The following GRM1 variants were observed in gnomAD, a reference collection of about 807,000 sequenced individuals.
The protein encoded by GRM1 is metabotropic glutamate receptor 1.
In GRM1, 33 loss-of-function variants were observed where a neutral mutation model predicts 90.9. The observed-to-expected ratio is 0.36, with a 90% CI of 0.28 to 0.49. GRM1 has a LOEUF of 0.49. GRM1 is among the 20% of genes least tolerant of loss of function. The probability of loss-of-function intolerance (pLI) is 0.99; values close to 1 mark genes in which losing one functional copy is unlikely to be tolerated. For missense variants in GRM1, 1,190 were observed against 1,534.3 expected, an observed-to-expected ratio of 0.78 and a Z score of 3.75; for synonymous variants, 700 against 613.2, an observed-to-expected ratio of 1.14 and a Z score of -2.09.
Position 146,214,713 on chromosome 6 carries a change from A to G in GRM1, c.950+55116A>G, listed in dbSNP as rs550508908. The stretch of plus-strand genomic sequence containing the variant: ...AATGCTACAAGAGAATATAGGAATA[A>G]ATACTTCTTTTGGATATATATAGAG... On this transcript the variant is annotated intron_variant, in intron 2 of 7. Transcript: ENST00000282753. Among the ~76,000 whole-genome samples the G allele has an allele frequency of 3.3e-5, 5 of 152,294 alleles. No individual in the cohort carries two copies. The South Asian group carries it at 1.0e-3, about 32-fold the overall frequency.
intron 2 of GRM1, among the ~76,000 whole-genome samples, chr6:146,209,415 C>A (rs1779605151): frequency 6.6e-6 from 1 of 152,064 alleles, no homozygotes; most frequent in African/African-American, 2.4e-5. Flanking sequence ...CCAACTTTTT[C>A]CATTCTGACT....
At chr6:146,375,735 C>T (rs180746379) in intron 5 of GRM1, among the ~76,000 whole-genome samples, 4 of 151,954 alleles carry the variant, frequency 2.6e-5, no homozygotes, top group Non-Finnish European at 5.9e-5. Context: ...TCCATTAGCA[C>T]GGATTATCTT....
chr6:146,067,386 T>C (rs1442372353), intron 1 of GRM1, among the ~76,000 whole-genome samples: 1 of 152,212 alleles, frequency 6.6e-6, no homozygotes, highest in East Asian at 1.9e-4. Context: ...ACCACTATTA[T>C]TGTAAAGTCT....
chr6:146,419,336 T>C (rs1356668039), intron 7 of GRM1, among the ~76,000 whole-genome samples: 1 of 152,110 alleles, frequency 6.6e-6, no homozygotes, highest in Non-Finnish European at 1.5e-5. Flanking sequence ...GAAGAATAAT[T>C]GGAAAAACAA....
intron 2 of GRM1, among the ~76,000 whole-genome samples, chr6:146,225,116 G>A (rs1780194800): frequency 6.6e-6 from 1 of 152,084 alleles, no homozygotes; most frequent in Admixed American, 6.6e-5. Flanking sequence ...AAATTTCTCA[G>A]CCTTGTTTTT....
rs60227373 is a variant in GRM1, at chr6:146,383,422, G to T, written c.1603-3468G>T. The stretch of plus-strand genomic sequence containing the variant: ...ACAATAATTCATGATGGCTCTTACT[G>T]TACTGCTTATCCCAATTAAAATAAG... On this transcript the variant is annotated intron_variant, in intron 5 of 7. Coordinates refer to ENST00000282753, the MANE Select transcript of GRM1 (RefSeq NM_001278064.2). Among the ~76,000 whole-genome samples, 1,475 of 152,166 alleles carry T rather than the reference G, an allele frequency of 9.7e-3. 21 individuals carry two copies. Among genetic ancestry groups the T allele is most frequent in the African/African-American group, 0.034 (1,404 of 41,530 alleles).
chr6:146,403,730 G>A (rs191586329), intron 7 of GRM1, among the ~76,000 whole-genome samples: 1 of 152,190 alleles, frequency 6.6e-6, no homozygotes, highest in African/African-American at 2.4e-5. Flanking sequence ...TGAGTTTACA[G>A]ATATCATGGC....
chr6:146,096,697 G>C (rs1035599089), intron 1 of GRM1, among the ~76,000 whole-genome samples: 16 of 152,150 alleles, frequency 1.1e-4, no homozygotes. Context: ...AGTGATATTA[G>C]ATGGGTGCTA....
chr6:146,224,357 T>C (rs1167008762), intron 2 of GRM1, among the ~76,000 whole-genome samples: 1 of 152,148 alleles, frequency 6.6e-6, no homozygotes, highest in East Asian at 1.9e-4. Flanking sequence ...ACTATTTTAA[T>C]GATGGTTATA....
chr6:146,384,153 A>G (rs1776415038), intron 5 of GRM1, among the ~76,000 whole-genome samples: 1 of 152,158 alleles, frequency 6.6e-6, no homozygotes, highest in Non-Finnish European at 1.5e-5. Context: ...TTTGTAGTGC[A>G]AAGTATGGAA....
intron 5 of GRM1, among the ~76,000 whole-genome samples, chr6:146,373,359 T>A (rs1352397043): frequency 2.0e-5 from 3 of 151,958 alleles, no homozygotes; most frequent in Non-Finnish European, 4.4e-5. Flanking sequence ...TGGCAGAAGG[T>A]GAAGTGGAAG....
At chr6:146,284,389 G>A (rs567994535) in intron 2 of GRM1, among the ~76,000 whole-genome samples, 53 of 152,300 alleles carry the variant, frequency 3.5e-4, no homozygotes, top group African/African-American at 1.2e-3. Context: ...GAGCAGCTGT[G>A]CATAATTGAA....
At chr6:146,122,004 G>A (rs1026631726) in intron 1 of GRM1, among the ~76,000 whole-genome samples, 1 of 152,064 alleles carries the variant, frequency 6.6e-6, no homozygotes, top group Non-Finnish European at 1.5e-5. Context: ...TTTCTGTCTC[G>A]TTGATCCGTC....
upstream of GRM1, among the ~76,000 whole-genome samples, chr6:146,028,552 A>G (rs2128833495): frequency 6.6e-6 from 1 of 152,072 alleles, no homozygotes; most frequent in Middle Eastern, 3.4e-3. Context: ...AAGTTACCTT[A>G]TCTGCACCCC....
chr6:146,218,133 GATC>G (rs1278681816), intron 2 of GRM1, among the ~76,000 whole-genome samples: 1 of 152,156 alleles, frequency 6.6e-6, no homozygotes, highest in Non-Finnish European at 1.5e-5. Flanking sequence ...TGCTGAGCCT[GATC>G]TCTTATCCAC....
At chr6:146,123,078 C>T (rs1052140365) in intron 1 of GRM1, among the ~76,000 whole-genome samples, 14 of 152,006 alleles carry the variant, frequency 9.2e-5, no homozygotes, top group South Asian at 2.1e-4. Flanking sequence ...CTCCTGACCT[C>T]GTGATCTGGC....
At chr6:146,388,204 G>A (rs1776578429) in intron 6 of GRM1, among the ~76,000 whole-genome samples, 1 of 151,970 alleles carries the variant, frequency 6.6e-6, no homozygotes, top group South Asian at 2.1e-4. Flanking sequence ...GAATAATCTA[G>A]CCCCTCGTCT....
At chr6:146,351,985 T>C (rs777378262) in intron 3 of GRM1, among the ~76,000 whole-genome samples, 6 of 152,238 alleles carry the variant, frequency 3.9e-5, no homozygotes, top group Non-Finnish European at 8.8e-5. Context: ...TATTCAAAAG[T>C]CCTTTATTTT....
chr6:146,047,654 G>C (rs757491955), intron 1 of GRM1, among the ~76,000 whole-genome samples: 1 of 151,514 alleles, frequency 6.6e-6, no homozygotes, highest in Non-Finnish European at 1.5e-5. Flanking sequence ...CAAAGCTGCT[G>C]TCCCCTCTAG....
Sources: gnomAD v4.1 joint callset for allele counts (sites outside exome capture counted in the v4.1 genomes callset) on GRCh38, gnomAD v4.1.1 for gene constraint, MANE v1.5 for transcripts, NCBI Gene and HGNC (gene_info 2026-07-23, HGNC 2026-07-21) for gene names.